Variants in PKIA observed in about 807,000 individuals in gnomAD.
The protein encoded by PKIA is PKI-alpha.
Under a neutral mutation model 7.6 loss-of-function variants are expected in PKIA, and 4 were observed. The observed-to-expected ratio is 0.52, with a 90% CI of 0.26 to 1.20. The LOEUF is 1.20. PKIA is among the 50% of genes most tolerant of loss of function. The pLI is 0.13. For missense variants in PKIA, 73 were observed against 86.2 expected (o/e 0.85, Z 0.61); for synonymous variants, 21 against 30.7 (o/e 0.68, Z 1.04).
intron 2 of PKIA, among the ~76,000 whole-genome samples, chr8:78,596,851 G>C (rs1315649881): frequency 2.6e-5 from 4 of 152,124 alleles, no homozygotes; most frequent in African/African-American, 9.7e-5. Context: ...TCCTTGAGTT[G>C]ATTTTTGTAC....
chr8:78,594,834 G>T (rs541522931), intron 2 of PKIA, among the ~76,000 whole-genome samples: 2 of 152,268 alleles, frequency 1.3e-5, no homozygotes, highest in Admixed American at 1.3e-4. Flanking sequence ...AATGTTGTTT[G>T]AAAAAGGAAG....
chr8:78,523,179 AG>A (rs1809449233), intron 1 of PKIA, among the ~76,000 whole-genome samples: 1 of 151,972 alleles, frequency 6.6e-6, no homozygotes, highest in Non-Finnish European at 1.5e-5. Context: ...TTAAAACTAA[AG>A]GGTTGCTAGA....
intron 1 of PKIA, among the ~76,000 whole-genome samples, chr8:78,564,001 T>C (rs1181415421): frequency 1.3e-5 from 2 of 151,974 alleles, no homozygotes; most frequent in Admixed American, 6.6e-5. Context: ...ACATTAACTC[T>C]AACAAAAAGG....
chr8:78,532,273 A>T (rs564492471), intron 1 of PKIA, among the ~76,000 whole-genome samples: 29 of 152,220 alleles, frequency 1.9e-4, no homozygotes, highest in African/African-American at 6.7e-4. Flanking sequence ...ACCTTTTATA[A>T]AAGTCCATAA....
chr8:78,529,499 G>A (rs1176078992), intron 1 of PKIA, among the ~76,000 whole-genome samples: 2 of 152,056 alleles, frequency 1.3e-5, no homozygotes, highest in African/African-American at 4.8e-5. Context: ...AAGTGGATCA[G>A]TCTTTTTTAA....
At chr8:78,584,044 T>C (rs926743765) in intron 2 of PKIA, among the ~76,000 whole-genome samples, 1 of 152,122 alleles carries the variant, frequency 6.6e-6, no homozygotes, top group African/African-American at 2.4e-5. Context: ...TAAAAATATA[T>C]GTAAAACAGC....
rs913083550 is a variant in PKIA, at chr8:78,583,813, G to A, written c.-28+10874G>A. The stretch of plus-strand genomic sequence containing the variant: ...ATGCCTAGTGTTCCATTATCGGAAC[G>A]GTAAGTTTGTGGGAGTCATTTATAT... On this transcript the variant is annotated intron_variant, in intron 2 of 3. Transcript: ENST00000396418. Among the ~76,000 whole-genome samples, 5 of 151,956 alleles carry A rather than the reference G, an allele frequency of 3.3e-5. 1 individual carries two copies. Among genetic ancestry groups the A allele is most frequent in the East Asian group, 1.9e-4 (1 of 5,166 alleles).
intron 1 of PKIA, among the ~76,000 whole-genome samples, chr8:78,519,567 G>GA (rs1563563965): frequency 1.3e-5 from 2 of 152,110 alleles, no homozygotes; most frequent in African/African-American, 4.8e-5. Context: ...AGAATGGGTA[G>GA]AAAAAAGTGC....
intron 2 of PKIA, among the ~76,000 whole-genome samples, chr8:78,585,176 A>G (rs965311800): frequency 2.0e-5 from 3 of 151,984 alleles, no homozygotes; most frequent in Admixed American, 6.6e-5. Flanking sequence ...AAAATAGTTC[A>G]GTGGATAATC....
At chr8:78,564,070 C>CAG (rs1807347721) in intron 1 of PKIA, among the ~76,000 whole-genome samples, 1 of 151,752 alleles carries the variant, frequency 6.6e-6, no homozygotes, top group Non-Finnish European at 1.5e-5. Context: ...GGGCCATTTA[C>CAG]TGGCTTCTAT....
chr8:78,544,761 T>G (rs1211261522), intron 1 of PKIA, among the ~76,000 whole-genome samples: 1 of 152,206 alleles, frequency 6.6e-6, no homozygotes, highest in Non-Finnish European at 1.5e-5. Flanking sequence ...GTACGTACCT[T>G]ATCTAAACAC....
At chr8:78,521,970 C>T (rs964328401) in intron 1 of PKIA, among the ~76,000 whole-genome samples, 1 of 151,838 alleles carries the variant, frequency 6.6e-6, no homozygotes, top group African/African-American at 2.4e-5. Flanking sequence ...TTCTGGAACC[C>T]TTTCATACAT....
At chr8:78,594,497 A>G (rs2130265135) in intron 2 of PKIA, among the ~76,000 whole-genome samples, 1 of 152,262 alleles carries the variant, frequency 6.6e-6, no homozygotes, top group Admixed American at 6.5e-5. Context: ...GGTAACACTT[A>G]CTGCAGCATT....
intron 1 of PKIA, among the ~76,000 whole-genome samples, chr8:78,529,623 A>G (rs1806344866): frequency 6.6e-6 from 1 of 152,058 alleles, no homozygotes; most frequent in Non-Finnish European, 1.5e-5. Flanking sequence ...AATATCCTTT[A>G]AGACATACAA....
intron 2 of PKIA, among the ~76,000 whole-genome samples, chr8:78,588,920 A>G (rs1808024884): frequency 6.6e-6 from 1 of 152,058 alleles, no homozygotes; most frequent in Non-Finnish European, 1.5e-5. Context: ...GGAAAAAAAA[A>G]AAGAAAAGAA....
chr8:78,534,404 A>G (rs1359334161), intron 1 of PKIA: 1 of 152,084 alleles, frequency 6.6e-6, no homozygotes, highest in African/African-American at 2.4e-5. Flanking sequence ...ATGCCAAAGG[A>G]CGTTGTCAAG....
In PKIA at chr8:78,601,869, A is replaced by C; in HGVS notation, c.*48A>C. ...ACACCTGAAAATGTCTCAAATCTCC[A>C]GGAGTATCTGGAATGCATTTGTTTC... is the stretch of plus-strand genomic sequence containing the variant. On this transcript the variant is annotated 3_prime_UTR_variant, in exon 4 of 4. Coordinates refer to ENST00000396418, the MANE Select transcript of PKIA (RefSeq NM_006823.4). 10 of 1,389,674 alleles carry C rather than the reference A, an allele frequency of 7.2e-6. No individual in the cohort carries two copies. Among genetic ancestry groups the C allele is most frequent in the South Asian group, 1.2e-5 (1 of 85,366 alleles). The allele number at this position is 1,389,674 out of a possible 1,614,324, so 86.1% of individuals were successfully genotyped here.
chr8:78,564,639 A>T (rs1257851844), intron 1 of PKIA, among the ~76,000 whole-genome samples: 13 of 151,964 alleles, frequency 8.6e-5, no homozygotes, highest in Admixed American at 8.5e-4. Context: ...CTGGAAATTT[A>T]CTAAAATAAT....
At chr8:78,533,312 T>A (rs1315264686) in intron 1 of PKIA, among the ~76,000 whole-genome samples, 1 of 152,222 alleles carries the variant, frequency 6.6e-6, no homozygotes, top group Non-Finnish European at 1.5e-5. Flanking sequence ...AGATAATTTG[T>A]ACTTACATTA....
Sources: allele counts gnomAD v4.1 joint callset (sites outside exome capture counted in the v4.1 genomes callset), GRCh38; gene constraint gnomAD v4.1.1; transcripts MANE v1.5; gene names NCBI Gene and HGNC (gene_info 2026-07-23, HGNC 2026-07-21).